Variants in STIM1 observed in about 807,000 individuals in gnomAD.
The protein encoded by STIM1 is stromal interaction molecule 1.
STIM1 carries 25 observed loss-of-function variants against 74.7 expected under a neutral mutation model. That is an observed-to-expected ratio of 0.33 (90% CI 0.24 to 0.47). The LOEUF (loss-of-function observed/expected upper bound fraction) is 0.47. Among genes scored for constraint, STIM1 ranks in the 20% least tolerant of loss-of-function variants. The pLI is 1.00. For missense variants in STIM1, 728 were observed against 920.8 expected (o/e 0.79, Z 2.71); for synonymous variants, 328 against 348.8 (o/e 0.94, Z 0.66).
intron 1 of STIM1, among the ~76,000 whole-genome samples, chr11:3,865,877 G>T (rs978207066): frequency 6.6e-6 from 1 of 152,214 alleles, no homozygotes; most frequent in Admixed American, 6.5e-5. Context: ...GATACAACTT[G>T]CTAGAGCAGG....
At chr11:3,918,647 T>A (rs1187627343) in intron 1 of STIM1, among the ~76,000 whole-genome samples, 2 of 152,158 alleles carry the variant, frequency 1.3e-5, no homozygotes, top group Non-Finnish European at 2.9e-5. Flanking sequence ...ATGCCCATCC[T>A]AAAGTAATCA....
chr11:4,045,992 C>T (rs972038089), intron 3 of STIM1, among the ~76,000 whole-genome samples: 8 of 150,036 alleles, frequency 5.3e-5, no homozygotes, highest in Non-Finnish European at 1.0e-4. Flanking sequence ...GTCTCGAACT[C>T]TCCTGACCTC....
chr11:3,923,146 A>G (rs549373607), intron 1 of STIM1, among the ~76,000 whole-genome samples: 10 of 150,532 alleles, frequency 6.6e-5, no homozygotes, highest in African/African-American at 2.5e-4. Flanking sequence ...CAAGTTCATA[A>G]TGATTTCCCC....
chr11:3,910,568 A>C (rs914803058), intron 1 of STIM1, among the ~76,000 whole-genome samples: 1 of 152,162 alleles, frequency 6.6e-6, no homozygotes, highest in African/African-American at 2.4e-5. Flanking sequence ...CTCTTAAAAC[A>C]AAAAAATTTA....
At chr11:3,867,768 C>T (rs2090912560) in intron 1 of STIM1, among the ~76,000 whole-genome samples, 1 of 152,184 alleles carries the variant, frequency 6.6e-6, no homozygotes, top group South Asian at 2.1e-4. Context: ...ACCCTTTCCT[C>T]GGTTGGCCAT....
intron 1 of STIM1, among the ~76,000 whole-genome samples, chr11:3,893,651 ATT>A (rs71466135): frequency 4.2e-5 from 6 of 143,900 alleles, no homozygotes; most frequent in Non-Finnish European, 3.0e-5. Context: ...CTGGGTCAAC[ATT>A]TTTTTTTTTT....
rs559295268 is a variant in STIM1, at chr11:3,974,093, G to A, written c.270+6411G>A. On this transcript the variant is annotated intron_variant, in intron 2 of 12. Coordinates refer to ENST00000526596, the MANE Select transcript of STIM1 (RefSeq NM_001382567.1). ...AAAGCCCCTGGAGCACTTGGTATTT[G>A]GATCTCTCATTACCACAGTCTGTGA... 1,506 of 698,070 alleles carry A rather than the reference G, an allele frequency of 2.2e-3. 14 individuals are homozygous for A. Among genetic ancestry groups the A allele is most frequent in the South Asian group, 0.011 (772 of 67,374 alleles). 43.2% of individuals were successfully genotyped at this position (698,070 alleles called of 1,614,324 possible).
intron 1 of STIM1, among the ~76,000 whole-genome samples, chr11:3,952,995 C>T (rs565511215): frequency 6.6e-6 from 1 of 152,226 alleles, no homozygotes; most frequent in Non-Finnish European, 1.5e-5. Context: ...TAGCCATTTT[C>T]TTCTGGAAGG....
chr11:4,004,180 G>A (rs1223148455), intron 2 of STIM1, among the ~76,000 whole-genome samples: 1 of 152,174 alleles, frequency 6.6e-6, no homozygotes, highest in African/African-American at 2.4e-5. Flanking sequence ...GTAATTTATA[G>A]ATTCAATGCC....
At position 3,857,204 on chromosome 11, in the gene STIM1, G is replaced by A. The variant is rs116981637; in HGVS notation, c.139+795G>A. On this transcript the variant is annotated intron_variant, in intron 1 of 12. Transcript: ENST00000526596. ...CTATGCAGTTGTGAAGGCTTATCAG[G>A]CAGCAGGAGCCCTGGTATACTTTTG... 8.8e-3 allele frequency among the ~76,000 whole-genome samples: 1,299 copies of A among 146,850 alleles called. 12 individuals are homozygous for A. The highest frequency in any genetic ancestry group is 0.015 in the Non-Finnish European group (1,014 of 67,256).
intron 1 of STIM1, among the ~76,000 whole-genome samples, chr11:3,885,884 C>T (rs1023737341): frequency 3.9e-5 from 6 of 152,190 alleles, no homozygotes; most frequent in South Asian, 4.1e-4. Flanking sequence ...GCAGTCCTCC[C>T]GCCTCAGCCT....
At chr11:3,948,308 T>G (rs2093104163) in intron 1 of STIM1, among the ~76,000 whole-genome samples, 1 of 152,008 alleles carries the variant, frequency 6.6e-6, no homozygotes, top group African/African-American at 2.4e-5. Flanking sequence ...TTCCCATATA[T>G]CTCCCTTTCT....
At position 4,083,392 on chromosome 11, in the gene STIM1, A is replaced by G; in HGVS notation, c.1368A>G (p.Ile456Met). ...GIHSLVAALN[I>M]DPSWMGSTRP... ...ACTCACTGGTGGCTGCCCTCAACAT[A>G]GACCCCAGCTGGATGGGCAGTACAC... The change falls in exon 10 of 13, where the codon ATA becomes ATG. Residue 456 changes from isoleucine (I) to methionine (M), a missense_variant. Physicochemically the swap from Ile to Met is conservative, Grantham distance 10 (BLOSUM62 1). Transcript: ENST00000526596. 6.2e-7 allele frequency: 1 copy of G among 1,614,246 alleles called. No individual in the cohort carries two copies. Among genetic ancestry groups the G allele is most frequent in the African/African-American group, 1.3e-5 (1 of 75,070 alleles).
At chr11:3,927,345 A>G (rs1003663901) in intron 1 of STIM1, among the ~76,000 whole-genome samples, 10 of 152,208 alleles carry the variant, frequency 6.6e-5, no homozygotes, top group African/African-American at 1.4e-4. Flanking sequence ...GGATGGCACC[A>G]TGGAACACAA....
intron 1 of STIM1, among the ~76,000 whole-genome samples, chr11:3,867,870 A>AGGC (rs759838543): frequency 0.085 from 8,792 of 103,088 alleles, 296 homozygotes; most frequent in Non-Finnish European, 0.099. Context: ...GCAGGCAGGC[A>AGGC]AGCAGGCAGG....
chr11:4,057,967 CA>C (rs1486476497), intron 4 of STIM1, among the ~76,000 whole-genome samples: 1 of 151,918 alleles, frequency 6.6e-6, no homozygotes, highest in Non-Finnish European at 1.5e-5. Context: ...AGTATCAGAA[CA>C]GTAGCAGACA....
At chr11:4,075,774 TCAAA>T (rs1243473855) in intron 7 of STIM1, among the ~76,000 whole-genome samples, 4 of 152,212 alleles carry the variant, frequency 2.6e-5, no homozygotes, top group South Asian at 4.1e-4. Flanking sequence ...TTAGAAACTG[TCAAA>T]CAATTTTCCA....
chr11:3,985,405 T>C (rs1478851545), intron 2 of STIM1, among the ~76,000 whole-genome samples: 1 of 152,194 alleles, frequency 6.6e-6, no homozygotes, highest in African/African-American at 2.4e-5. Flanking sequence ...TTTCTGCATT[T>C]AGATGTGTCT....
chr11:3,978,894 C>A (rs942597653), intron 2 of STIM1, among the ~76,000 whole-genome samples: 1 of 152,074 alleles, frequency 6.6e-6, no homozygotes, highest in Admixed American at 6.5e-5. Context: ...CCGATGCCAC[C>A]ATTTGGCTTC....
Sources: gnomAD v4.1 joint callset for allele counts (sites outside exome capture counted in the v4.1 genomes callset) on GRCh38, gnomAD v4.1.1 for gene constraint, MANE v1.5 for transcripts, NCBI Gene and HGNC (gene_info 2026-07-23, HGNC 2026-07-21) for gene names.